TSC2: variants seen among roughly 807,000 people sequenced by gnomAD.
TSC2 encodes TSC complex subunit 2.
TSC2 carries 29 observed loss-of-function variants against 202.2 expected under a neutral mutation model. That is an observed-to-expected ratio of 0.14 (90% confidence interval 0.11 to 0.20). TSC2 has a LOEUF of 0.20. Ranked by LOEUF, TSC2 falls within the 10% of genes least tolerant of loss-of-function variation. The pLI, the probability that TSC2 is intolerant of heterozygous loss-of-function variation, is 1.00. For synonymous variants in TSC2, 1,349 were observed against 1,044.0 expected (o/e 1.29, Z -5.63); for missense variants, 2,429 against 2,420.0 (o/e 1.00, Z -0.08).
chr16:2,050,596 CA>C (rs2084982208), intron 3 of TSC2, 110 bp downstream of exon 3: 2 of 712,976 alleles, frequency 2.8e-6, no homozygotes, highest in South Asian at 1.7e-5. Context: ...ATCTGGTTTG[CA>C]CTTTTTTTTT....
intron 30 of TSC2, chr16:2,080,717 C>T (rs1158055765): frequency 2.0e-5 from 6 of 305,780 alleles, no homozygotes; most frequent in African/African-American, 2.2e-5. Context: ...ATCTCCTGAC[C>T]TCGTGATCCG....
intron 30 of TSC2, 112 bp downstream of exon 30, chr16:2,080,489 T>G: frequency 7.6e-7 from 1 of 1,324,256 alleles, no homozygotes; most frequent in Non-Finnish European, 1.0e-6. Flanking sequence ...GGGGTAACTT[T>G]TGTTTTTTTT....
chr16:2,075,656 G>A, intron 22 of TSC2, 143 bp from the exon 23 acceptor site: 1 of 812,884 alleles, frequency 1.2e-6, no homozygotes, highest in Non-Finnish European at 2.0e-6. Context: ...TTGAGGCCAG[G>A]GTCGGGAAAG....
At position 2,054,350 on chromosome 16, in the gene TSC2, C is replaced by G. The variant is rs777398393; in HGVS notation, c.391C>G (p.Pro131Ala). 1.2e-6 allele frequency: 2 copies of G among 1,614,184 alleles called. No homozygotes were observed. The highest frequency in any genetic ancestry group is 8.5e-7 in the Non-Finnish European group (1 of 1,180,036). ...ALFFKVIKDYPSNEDLHERLE... is the reference protein window; with the variant it reads ...ALFFKVIKDYASNEDLHERLE... ...CTTCTTTAAGGTCATCAAGGATTAC[C>G]CTTCCAACGAAGACCTTCACGAAAG... The change falls in exon 5 of 42, where the codon CCT (proline) becomes GCT (alanine). Residue 131 changes from proline (P) to alanine (A), a missense_variant. By Grantham distance (27) the Pro-to-Ala change is conservative (BLOSUM62 -1). Transcript: ENST00000219476.
At chr16:2,048,374 A>G (rs921103965) in intron 1 of TSC2, 2 of 844,148 alleles carry the variant, frequency 2.4e-6, no homozygotes, top group East Asian at 5.3e-5. Flanking sequence ...GTCTGAGTAG[A>G]GAGCTCTCTA....
At chr16:2,050,321 T>G (rs984691109) in intron 2 of TSC2, 79 bp from the exon 3 acceptor site, 1 of 1,314,090 alleles carries the variant, frequency 7.6e-7, no homozygotes, top group Admixed American at 1.7e-5. Flanking sequence ...AGTGGGAGTC[T>G]TTAGGTGGTT....
intron 25 of TSC2, 65 bp downstream of exon 25, chr16:2,076,650 G>T: frequency 6.6e-7 from 1 of 1,524,958 alleles, no homozygotes; most frequent in Non-Finnish European, 9.0e-7. Flanking sequence ...GCTGTGGCCT[G>T]CCTGACGGTG....
At chr16:2,066,604 G>A (rs1203853259) in intron 16 of TSC2, among the ~76,000 whole-genome samples, 1 of 149,762 alleles carries the variant, frequency 6.7e-6, no homozygotes, top group African/African-American at 2.5e-5. Context: ...CACTGGTGCT[G>A]TGCCATTTTC....
At chr16:2,058,977 A>G in intron 10 of TSC2, 104 bp downstream of exon 10, 1 of 1,531,556 alleles carries the variant, frequency 6.5e-7, no homozygotes, top group Non-Finnish European at 8.8e-7. Flanking sequence ...CTGCGGTGGC[A>G]TTTCTAGGCC....
At position 2,083,801 on chromosome 16, in the gene TSC2, G is replaced by A. The variant is rs369943684; in HGVS notation, c.3990G>A (p.Thr1330=). The change falls in exon 33 of 42, where the codon ACG becomes ACA. Residue 1330 remains threonine, a synonymous_variant. Transcript: ENST00000219476. ...VEAALGMDRR[T]DAYSRSSSVS... Reference sequence around the variant, plus strand: ...CAGCGCTAGGCATGGACAGGCGCACGGATGCCTACAGCAGGGTGAGTGTGG... The same window carrying A: ...CAGCGCTAGGCATGGACAGGCGCACAGATGCCTACAGCAGGGTGAGTGTGG... 8.1e-5 allele frequency: 130 copies of A among 1,611,176 alleles called. No individual in the cohort carries two copies. The highest frequency in any genetic ancestry group is 1.2e-4 in the African/African-American group (9 of 74,936).
At position 2,087,848 on chromosome 16, in the gene TSC2, C is replaced by T. The variant is rs763702674; in HGVS notation, c.4990-15C>T. ...ACGCTGTGTGCGGGGATGACCCTTT[C>T]TCTTGTCCGGGCAGGGCCAGTTCAA... is the stretch of plus-strand genomic sequence containing the variant. On this transcript the variant is annotated splice_polypyrimidine_tract_variant and intron_variant, in intron 38 of 41. Transcript: ENST00000219476. 58 of 1,612,374 alleles carry T rather than the reference C, an allele frequency of 3.6e-5. No individual in the cohort carries two copies. Among genetic ancestry groups the T allele is most frequent in the South Asian group, 1.4e-4 (13 of 90,994 alleles).
At chr16:2,063,848 G>A in intron 14 of TSC2, 1 of 334,974 alleles carries the variant, frequency 3.0e-6, no homozygotes, top group Admixed American at 4.1e-5. Flanking sequence ...CCTCAGCACA[G>A]CACGCACACA....
chr16:2,074,003 G>A (rs1050232288), intron 21 of TSC2, among the ~76,000 whole-genome samples, 197 bp from the exon 22 acceptor site: 8 of 152,264 alleles, frequency 5.3e-5, no homozygotes, highest in African/African-American at 7.2e-5. Flanking sequence ...GGATCGTGTC[G>A]GAATGCAACT....
rs752865665 is a variant in TSC2 at position 2,075,839 on chromosome 16, G to C, written c.2586G>C (p.Ala862=). The C allele has an allele frequency of 6.2e-7, 1 of 1,613,042 alleles. No individual in the cohort carries two copies. Among genetic ancestry groups the C allele is most frequent in the Non-Finnish European group, 8.5e-7 (1 of 1,179,988 alleles). The change falls in exon 23 of 42, where the codon GCG becomes GCC. Residue 862 remains alanine, a synonymous_variant. Coordinates refer to ENST00000219476, the MANE Select transcript of TSC2 (RefSeq NM_000548.5). ...RLPHLYRNFA[A]EQYASVFAIS... is the part of the protein sequence containing the mutation. ...CGCACCTCTACAGGAACTTTGCCGC[G>C]GAGCAGTATGCCAGTGTGTTCGCCA...
intron 10 of TSC2, among the ~76,000 whole-genome samples, chr16:2,059,089 G>T (rs1165816235): frequency 1.3e-5 from 2 of 148,854 alleles, no homozygotes; most frequent in African/African-American, 2.5e-5. Flanking sequence ...TTTCTGCTTG[G>T]CTGACTGCAA....
At chr16:2,087,002 C>T in intron 38 of TSC2, 131 bp downstream of exon 38, 1 of 1,376,024 alleles carries the variant, frequency 7.3e-7, no homozygotes, top group South Asian at 1.3e-5. Flanking sequence ...TGCTCAGGGC[C>T]CCGTGGGCAC....
At chr16:2,066,214 G>A (rs1489978303) in intron 16 of TSC2, 1 of 155,394 alleles carries the variant, frequency 6.4e-6, no homozygotes, top group Non-Finnish European at 1.4e-5. Context: ...AACATTTCAT[G>A]GAAGTGGAAT....
intron 10 of TSC2, 84 bp from the exon 11 acceptor site, chr16:2,060,586 T>A: frequency 1.2e-6 from 2 of 1,608,446 alleles, no homozygotes; most frequent in Non-Finnish European, 1.7e-6. Context: ...GGCGTGCTAC[T>A]CTCGGTCCCA....
intron 5 of TSC2, 143 bp downstream of exon 5, chr16:2,054,583 G>C: frequency 7.8e-7 from 1 of 1,280,058 alleles, no homozygotes; most frequent in African/African-American, 1.5e-5. Context: ...ATGCACCTGG[G>C]CTCACCTGCG....
Sources: gnomAD v4.1 joint callset for allele counts (sites outside exome capture counted in the v4.1 genomes callset) on GRCh38, gnomAD v4.1.1 for gene constraint, MANE v1.5 for transcripts, NCBI Gene and HGNC (gene_info 2026-07-23, HGNC 2026-07-21) for gene names.